Variants in FAM13B observed in about 807,000 individuals in gnomAD.
FAM13B encodes protein FAM13B.
Under a neutral mutation model 117.3 loss-of-function variants are expected in FAM13B, and 60 were observed. The observed-to-expected ratio is 0.51, with a 90% CI of 0.42 to 0.63. The LOEUF (loss-of-function observed/expected upper bound fraction) is 0.63. Among genes scored for constraint, FAM13B ranks in the 30% least tolerant of loss-of-function variants. The pLI, the probability that FAM13B is intolerant of heterozygous loss-of-function variation, is 0.00. For synonymous variants in FAM13B, 332 were observed against 356.1 expected (o/e 0.93, Z 0.76); for missense variants, 972 against 1,091.9 (o/e 0.89, Z 1.55).
intron 20 of FAM13B, among the ~76,000 whole-genome samples, chr5:137,944,734 G>A (rs1156423222): frequency 1.4e-5 from 2 of 147,060 alleles, no homozygotes; most frequent in Non-Finnish European, 3.0e-5. Context: ...CTCCAGCCTG[G>A]ATGACAGAGC....
chr5:137,977,381 T>A (rs1774329862), intron 10 of FAM13B, among the ~76,000 whole-genome samples: 1 of 152,192 alleles, frequency 6.6e-6, no homozygotes, highest in African/African-American at 2.4e-5. Flanking sequence ...GTGAAGCATG[T>A]GATCTCTGTG....
At chr5:138,022,315 G>A (rs1363606410) in intron 1 of FAM13B, among the ~76,000 whole-genome samples, 2 of 152,182 alleles carry the variant, frequency 1.3e-5, no homozygotes, top group East Asian at 3.8e-4. Flanking sequence ...CATCCTTTGT[G>A]AATTCTAATG....
At chr5:137,997,409 C>T (rs897457277) in intron 7 of FAM13B, among the ~76,000 whole-genome samples, 3 of 151,916 alleles carry the variant, frequency 2.0e-5, no homozygotes, top group African/African-American at 4.8e-5. Flanking sequence ...GCGGAGGTTG[C>T]GGTGAGCTGA....
intron 1 of FAM13B, among the ~76,000 whole-genome samples, chr5:138,028,618 C>T (rs1789066510): frequency 6.6e-6 from 1 of 152,180 alleles, no homozygotes; most frequent in Non-Finnish European, 1.5e-5. Context: ...TGCAGTGGCT[C>T]CTGCCTATAA....
chr5:137,943,867 T>C (rs576709300), intron 20 of FAM13B, among the ~76,000 whole-genome samples: 31 of 152,326 alleles, frequency 2.0e-4, no homozygotes, highest in African/African-American at 6.5e-4. Context: ...TAAAAATAAC[T>C]TTATTAAGAT....
chr5:137,942,903 G>A lies in FAM13B; in HGVS notation c.2560C>T (p.Arg854Ter), dbSNP rs1762286383. The change falls in exon 22 of 24, where the codon CGA becomes TGA. Residue 854 changes from arginine to a stop codon, truncating the protein, a stop_gained. Transcript: ENST00000689681. LOFTEE classifies it high-confidence loss of function. Reference protein sequence around the residue: ...ENQEKLALDLRLSSSRAASMP... With the variant: ...ENQEKLALDL ...GAAGCTGCTCGAGAACTTGACAATCGGAGATCCAGAGCCAGTTTTTCTTGA... is the reference window on the plus strand; with the variant it reads ...GAAGCTGCTCGAGAACTTGACAATCAGAGATCCAGAGCCAGTTTTTCTTGA... The A allele has an allele frequency of 4.3e-6, 7 of 1,611,750 alleles. No homozygotes were observed. The Admixed American group carries it at 8.4e-5, about 19-fold the overall frequency.
At chr5:137,964,183 G>A (rs1047507942) in intron 10 of FAM13B, among the ~76,000 whole-genome samples, 2 of 152,002 alleles carry the variant, frequency 1.3e-5, no homozygotes, top group Non-Finnish European at 2.9e-5. Flanking sequence ...TCAGCCTCCC[G>A]AGTAGCTGGG....
chr5:138,018,537 T>C (rs1785813379), intron 3 of FAM13B, 23 bp from the exon 4 acceptor site: 1 of 1,591,494 alleles, frequency 6.3e-7, no homozygotes, highest in Admixed American at 1.7e-5. Flanking sequence ...AAGGCAATCA[T>C]TCAATAAGCT....
In FAM13B at chr5:137,959,627, T is replaced by G; in HGVS notation, c.1430A>C (p.Asp477Ala). The G allele has an allele frequency of 6.2e-7, 1 of 1,613,854 alleles. No homozygotes were observed. The highest frequency in any genetic ancestry group is 8.5e-7 in the Non-Finnish European group (1 of 1,179,802). The change falls in exon 13 of 24, where the codon GAT (aspartate) becomes GCT (alanine). Residue 477 changes from aspartate (D) to alanine (A), a missense_variant. Coordinates refer to ENST00000689681, the MANE Select transcript of FAM13B (RefSeq NM_001385994.1). ...HLDLKNVSDG[D>A]KWEASCPITF... is the part of the protein sequence containing the mutation. ...GTGGGTAAAATTACCTTCCCATTTA[T>G]CACCATCAGAAACATTCTTCAGATC...
intron 1 of FAM13B, among the ~76,000 whole-genome samples, chr5:138,026,368 G>A (rs895129597): frequency 6.6e-5 from 10 of 152,126 alleles, no homozygotes; most frequent in African/African-American, 1.7e-4. Flanking sequence ...GTTCACACCC[G>A]TAATCCCAGC....
intron 6 of FAM13B, 76 bp from the exon 7 acceptor site, chr5:138,007,223 A>G (rs1347108274): frequency 8.5e-7 from 1 of 1,174,702 alleles, no homozygotes; most frequent in Non-Finnish European, 1.1e-6. Flanking sequence ...TATTCTATGA[A>G]AATTTTAAAC....
chr5:138,028,745 C>T (rs1366837070), intron 1 of FAM13B, among the ~76,000 whole-genome samples: 1 of 152,168 alleles, frequency 6.6e-6, no homozygotes, highest in Non-Finnish European at 1.5e-5. Flanking sequence ...AGGCCAGGTG[C>T]AGTGGCTCAC....
At chr5:138,030,064 A>T (rs1042395999) in intron 1 of FAM13B, among the ~76,000 whole-genome samples, 1 of 152,204 alleles carries the variant, frequency 6.6e-6, no homozygotes, top group Admixed American at 6.6e-5. Flanking sequence ...CATTTTCCTC[A>T]GCCTAGGTCT....
chr5:138,006,806 A>G (rs1319616693), intron 7 of FAM13B, among the ~76,000 whole-genome samples, 184 bp downstream of exon 7: 1 of 152,250 alleles, frequency 6.6e-6, no homozygotes, highest in Non-Finnish European at 1.5e-5. Context: ...GAAAAAAGGT[A>G]TTAACACTAA....
At chr5:138,004,797 A>T (rs1782136250) in intron 7 of FAM13B, among the ~76,000 whole-genome samples, 1 of 151,980 alleles carries the variant, frequency 6.6e-6, no homozygotes, top group Non-Finnish European at 1.5e-5. Flanking sequence ...GGACTGCTTG[A>T]GCCCAAGAGG....
intron 7 of FAM13B, among the ~76,000 whole-genome samples, chr5:137,992,409 C>T (rs755015799): frequency 1.1e-4 from 16 of 150,386 alleles, no homozygotes; most frequent in Non-Finnish European, 2.2e-4. Flanking sequence ...GCCTGACCAA[C>T]ATGGAGAAAC....
chr5:138,034,204 A>T (rs1323729095), upstream of FAM13B: 1 of 152,266 alleles, frequency 6.6e-6, no homozygotes, highest in African/African-American at 2.4e-5. Flanking sequence ...TCCAGGAACG[A>T]GGCAACTGAT....
intron 1 of FAM13B, among the ~76,000 whole-genome samples, chr5:138,049,333 G>C (rs1791733780): frequency 6.6e-6 from 1 of 152,002 alleles, no homozygotes; most frequent in African/African-American, 2.4e-5. Context: ...GAATACAATG[G>C]CGTGATCTCG....
At chr5:137,974,858 A>C (rs1773450791) in intron 10 of FAM13B, among the ~76,000 whole-genome samples, 1 of 152,156 alleles carries the variant, frequency 6.6e-6, no homozygotes, top group Non-Finnish European at 1.5e-5. Context: ...TTGGCTAAGA[A>C]GGGTTTCTAC....
Sources: gnomAD v4.1 joint callset for allele counts (sites outside exome capture counted in the v4.1 genomes callset) on GRCh38, gnomAD v4.1.1 for gene constraint, MANE v1.5 for transcripts, NCBI Gene and HGNC (gene_info 2026-07-23, HGNC 2026-07-21) for gene names.